FAM168A: variants seen among roughly 807,000 people sequenced by gnomAD.
FAM168A encodes family with sequence similarity 168 member A.
In FAM168A, 3 loss-of-function variants were observed where a neutral mutation model predicts 28.5. The observed-to-expected ratio is 0.11, with a 90% CI of 0.05 to 0.27. The LOEUF (loss-of-function observed/expected upper bound fraction) is 0.27. Ranked by LOEUF, FAM168A falls within the 10% of genes least tolerant of loss-of-function variation. The pLI, the probability that FAM168A is intolerant of heterozygous loss-of-function variation, is 1.00. For synonymous variants in FAM168A, 122 were observed against 124.2 expected, an observed-to-expected ratio of 0.98 and a Z score of 0.12; for missense variants, 222 against 311.5, an observed-to-expected ratio of 0.71 and a Z score of 2.16.
Position 73,597,365 on chromosome 11 carries a change from A to AC in FAM168A, c.-19+557dup, listed in dbSNP as rs1944448965. Among the ~76,000 whole-genome samples the AC allele has an allele frequency of 3.3e-5, 5 of 149,486 alleles. No individual in the cohort carries two copies. The South Asian group carries it at 1.1e-3, about 32-fold the overall frequency. On this transcript the variant is annotated intron_variant, in intron 1 of 7. Transcript: ENST00000356467. ...GGTCTCAACCCATGCCAAGCCCCTC[A>AC]CCCCCAACTCCTGCCACCTCCATCA...
At chr11:73,425,951 T>C (rs754010219) in intron 3 of FAM168A, among the ~76,000 whole-genome samples, 1 of 152,230 alleles carries the variant, frequency 6.6e-6, no homozygotes, top group Admixed American at 6.5e-5. Context: ...TAAAAATGAA[T>C]GTTTGTAACA....
intron 4 of FAM168A, 97 bp from the exon 5 acceptor site, chr11:73,411,633 G>T: frequency 2.3e-6 from 3 of 1,277,970 alleles, no homozygotes; most frequent in Non-Finnish European, 2.2e-6. Context: ...ACAAAGATGG[G>T]CTGAATCCAG....
chr11:73,587,152 TAAAAAAA>T (rs1158411875), intron 1 of FAM168A, among the ~76,000 whole-genome samples: 1,280 of 81,378 alleles, frequency 0.016, 19 homozygotes, highest in Admixed American at 0.046. Flanking sequence ...ATGGACATGT[TAAAAAAA>T]AAAAAAAAAA....
intron 4 of FAM168A, among the ~76,000 whole-genome samples, chr11:73,419,571 AATGTGCCCT>A (rs1029928455): frequency 1.3e-5 from 2 of 152,104 alleles, no homozygotes; most frequent in African/African-American, 4.8e-5. Context: ...AGACCTTCAA[AATGTGCCCT>A]CTGTCCTTTC....
At chr11:73,501,640 A>G (rs1325538852) in intron 1 of FAM168A, among the ~76,000 whole-genome samples, 7 of 152,182 alleles carry the variant, frequency 4.6e-5, no homozygotes, top group Non-Finnish European at 1.0e-4. Context: ...TTTGAAACCA[A>G]TGAGAACAAA....
At chr11:73,519,762 A>G (rs1359512498) in intron 1 of FAM168A, among the ~76,000 whole-genome samples, 1 of 151,258 alleles carries the variant, frequency 6.6e-6, no homozygotes, top group African/African-American at 2.5e-5. Flanking sequence ...AGAGCAGCAC[A>G]AAGACCAGAG....
intron 3 of FAM168A, chr11:73,425,099 T>C: frequency 3.7e-6 from 5 of 1,361,284 alleles, no homozygotes; most frequent in Non-Finnish European, 5.0e-6. Context: ...TTGTGCAAAG[T>C]TGTATACATT....
chr11:73,592,872 C>CA (rs35686813), intron 1 of FAM168A, among the ~76,000 whole-genome samples: 97 of 144,048 alleles, frequency 6.7e-4, no homozygotes, highest in African/African-American at 1.4e-3. Flanking sequence ...CTGTCTCTAC[C>CA]AAAAAAAAAA....
In FAM168A at chr11:73,535,212, A is replaced by G. The variant is rs1218178618; in HGVS notation, c.-19+62711T>C. Among the ~76,000 whole-genome samples, 4 of 150,826 alleles carry G rather than the reference A, an allele frequency of 2.7e-5. No individual in the cohort carries two copies. The East Asian group carries it at 7.8e-4, about 29-fold the overall frequency. On this transcript the variant is annotated intron_variant, in intron 1 of 7. Transcript: ENST00000356467. ...GGTCTCACTGTCACCCTGTCTTCACACTTTACTACTAGTAGAGTCCCCTTC... is the reference window on the plus strand; with the variant it reads ...GGTCTCACTGTCACCCTGTCTTCACGCTTTACTACTAGTAGAGTCCCCTTC...
At chr11:73,586,855 A>C (rs560826840) in intron 1 of FAM168A, among the ~76,000 whole-genome samples, 1 of 152,272 alleles carries the variant, frequency 6.6e-6, no homozygotes, top group Admixed American at 6.5e-5. Flanking sequence ...CTTAACCACA[A>C]AGTGGAGAAA....
intron 1 of FAM168A, among the ~76,000 whole-genome samples, chr11:73,575,350 T>C (rs1944159331): frequency 6.6e-6 from 1 of 152,200 alleles, no homozygotes; most frequent in Admixed American, 6.5e-5. Flanking sequence ...TTAATTCACA[T>C]ATAATATTAT....
At chr11:73,584,622 C>T (rs1276278930) in intron 1 of FAM168A, among the ~76,000 whole-genome samples, 1 of 151,942 alleles carries the variant, frequency 6.6e-6, no homozygotes, top group Non-Finnish European at 1.5e-5. Context: ...TACAGGCGCC[C>T]GCCACCATGC....
chr11:73,474,411 C>T (rs2134584752), intron 1 of FAM168A, among the ~76,000 whole-genome samples: 1 of 152,050 alleles, frequency 6.6e-6, no homozygotes, highest in South Asian at 2.1e-4. Flanking sequence ...AGTTACGGCA[C>T]ACTACAGCTT....
intron 2 of FAM168A, among the ~76,000 whole-genome samples, chr11:73,440,304 C>T (rs1867170297): frequency 6.6e-6 from 1 of 152,110 alleles, no homozygotes; most frequent in African/African-American, 2.4e-5. Context: ...ATTAGACACC[C>T]CCACCCCACA....
At chr11:73,420,951 T>TAA in intron 3 of FAM168A, 1 of 152,482 alleles carries the variant, frequency 6.6e-6, no homozygotes, top group South Asian at 2.1e-4. Flanking sequence ...CTTGCCTAAC[T>TAA]TTTTAGACAT....
Position 73,542,834 on chromosome 11 carries a change from G to T in FAM168A, c.-19+55089C>A, listed in dbSNP as rs1436278277. ...TGTTGTTTAGAAACCATTCTGAGGG[G>T]GCCAAAAGCACAGACACCAAGAAGA... is the stretch of plus-strand genomic sequence containing the variant. On this transcript the variant is annotated intron_variant, in intron 1 of 7. Transcript: ENST00000356467. Among the ~76,000 whole-genome samples the T allele has an allele frequency of 2.6e-5, 4 of 151,948 alleles. No homozygotes were observed. The East Asian group carries it at 7.7e-4, about 29-fold the overall frequency.
chr11:73,449,531 T>A (rs985891512), intron 2 of FAM168A, among the ~76,000 whole-genome samples: 4 of 152,226 alleles, frequency 2.6e-5, no homozygotes, highest in Non-Finnish European at 4.4e-5. Flanking sequence ...GTAACCTAAA[T>A]TACAACAGAA....
chr11:73,547,355 T>C (rs566789112), intron 1 of FAM168A, among the ~76,000 whole-genome samples: 1 of 150,240 alleles, frequency 6.7e-6, no homozygotes, highest in African/African-American at 2.4e-5. Context: ...AAATAGAAAA[T>C]AAGAAGCGTT....
chr11:73,506,762 T>C (rs1855124935), intron 1 of FAM168A, among the ~76,000 whole-genome samples: 1 of 152,212 alleles, frequency 6.6e-6, no homozygotes, highest in Admixed American at 6.5e-5. Flanking sequence ...AACAGTATTC[T>C]GCACCTTCAG....
Sources: gnomAD v4.1 joint callset for allele counts (sites outside exome capture counted in the v4.1 genomes callset) on GRCh38, gnomAD v4.1.1 for gene constraint, MANE v1.5 for transcripts, NCBI Gene and HGNC (gene_info 2026-07-23, HGNC 2026-07-21) for gene names.